Variants in NPAS3 observed in about 807,000 individuals in gnomAD.
The protein encoded by NPAS3 is neuronal PAS domain protein 3.
In NPAS3, 14 loss-of-function variants were observed where a neutral mutation model predicts 73.1. That is an observed-to-expected ratio of 0.19 (90% CI 0.13 to 0.30). The LOEUF is 0.30. NPAS3 is among the 10% of genes least tolerant of loss of function. NPAS3 has a pLI of 1.00. For synonymous variants in NPAS3, 620 were observed against 541.5 expected (o/e 1.14, Z -2.01); for missense variants, 1,096 against 1,250.0 (o/e 0.88, Z 1.86).
chr14:33,661,265 G>A (rs2059299237), intron 5 of NPAS3, among the ~76,000 whole-genome samples: 1 of 152,100 alleles, frequency 6.6e-6, no homozygotes, highest in African/African-American at 2.4e-5. Context: ...GTCTTTGTCT[G>A]GGTTTTATGG....
rs544044317 is a variant in NPAS3, at chr14:33,630,280, C to T, written c.559-45931C>T. Among the ~76,000 whole-genome samples the T allele has an allele frequency of 9.9e-5, 15 of 152,242 alleles. No individual in the cohort carries two copies. The East Asian group carries it at 2.7e-3, about 27-fold the overall frequency. ...TGCACAACTTGTGGAAAAGCTCTGT[C>T]TCCTTGATGATGAGTAAAGGAAGAA... On this transcript the variant is annotated intron_variant, in intron 5 of 11. Transcript: ENST00000356141.
Position 33,699,069 on chromosome 14 carries a change from G to C in NPAS3, c.733+22684G>C, listed in dbSNP as rs146262419. 6.1e-3 allele frequency among the ~76,000 whole-genome samples: 935 copies of C among 152,284 alleles called. 13 individuals carry two copies. Among genetic ancestry groups the C allele is most frequent in the Admixed American group, 6.6e-3 (101 of 15,302 alleles). ...TAGGAAACACAGAGGTGGCCTGTGAGACAGACCCTAGGAAATCTCAGGTGA... is the reference window on the plus strand; with the variant it reads ...TAGGAAACACAGAGGTGGCCTGTGACACAGACCCTAGGAAATCTCAGGTGA... On this transcript the variant is annotated intron_variant, in intron 6 of 11. Transcript: ENST00000356141.
intron 4 of NPAS3, among the ~76,000 whole-genome samples, chr14:33,452,908 C>T (rs1461155364): frequency 1.3e-5 from 2 of 151,978 alleles, no homozygotes; most frequent in Admixed American, 1.3e-4. Context: ...TGTAAGCTCC[C>T]TCTCTTCTTG....
chr14:33,345,175 C>T (rs1401220743), intron 3 of NPAS3, among the ~76,000 whole-genome samples: 2 of 152,156 alleles, frequency 1.3e-5, no homozygotes, highest in African/African-American at 2.4e-5. Context: ...TTACTCTAAA[C>T]GTAAAATACA....
chr14:33,450,611 T>C (rs932874793), intron 4 of NPAS3, among the ~76,000 whole-genome samples: 1 of 152,246 alleles, frequency 6.6e-6, no homozygotes, highest in African/African-American at 2.4e-5. Flanking sequence ...TAAATACTGT[T>C]GTTATTTCGC....
At chr14:33,607,408 A>C (rs1595264542) in intron 5 of NPAS3, among the ~76,000 whole-genome samples, 2 of 73,220 alleles carry the variant, frequency 2.7e-5, no homozygotes, top group Non-Finnish European at 4.6e-5. Flanking sequence ...AAGCCAAACC[A>C]AAAAAAAAAA....
At chr14:33,683,386 C>T (rs2059994902) in intron 6 of NPAS3, among the ~76,000 whole-genome samples, 1 of 131,024 alleles carries the variant, frequency 7.6e-6, no homozygotes, top group Non-Finnish European at 1.5e-5. Context: ...TACAATGAAA[C>T]CCAAGACAAG....
At chr14:33,214,481 T>C (rs1309144992) in intron 2 of NPAS3, 1 of 152,252 alleles carries the variant, frequency 6.6e-6, no homozygotes, top group African/African-American at 2.4e-5. Context: ...CTTTGGGCAA[T>C]ATATTTTATT....
intron 1 of NPAS3, among the ~76,000 whole-genome samples, chr14:32,943,442 A>G (rs939796871): frequency 6.6e-6 from 1 of 152,096 alleles, no homozygotes; most frequent in Non-Finnish European, 1.5e-5. Flanking sequence ...TAGCTATTTT[A>G]TGAGAAGGCC....
At chr14:33,423,754 A>C (rs1219165615) in intron 4 of NPAS3, among the ~76,000 whole-genome samples, 2 of 151,934 alleles carry the variant, frequency 1.3e-5, no homozygotes, top group Non-Finnish European at 2.9e-5. Flanking sequence ...AGGTGTTGTA[A>C]GTGTTCAGAG....
intron 3 of NPAS3, among the ~76,000 whole-genome samples, chr14:33,365,632 T>G (rs890659994): frequency 6.6e-6 from 1 of 152,158 alleles, no homozygotes; most frequent in African/African-American, 2.4e-5. Flanking sequence ...TCAATTATAT[T>G]TTATAAATTT....
intron 3 of NPAS3, among the ~76,000 whole-genome samples, chr14:33,252,079 G>GTGTGTC (rs1340173080): frequency 6.6e-6 from 1 of 151,348 alleles, no homozygotes; most frequent in African/African-American, 2.4e-5. Context: ...GTGTGTGTGT[G>GTGTGTC]TGTGTGTGTG....
intron 4 of NPAS3, among the ~76,000 whole-genome samples, chr14:33,433,719 C>G (rs2048870433): frequency 6.6e-6 from 1 of 152,132 alleles, no homozygotes; most frequent in Non-Finnish European, 1.5e-5. Context: ...TTGTTTTAGG[C>G]AATAGCTCAT....
At chr14:33,051,792 C>T (rs889996246) in intron 1 of NPAS3, among the ~76,000 whole-genome samples, 14 of 152,292 alleles carry the variant, frequency 9.2e-5, no homozygotes, top group African/African-American at 3.4e-4. Flanking sequence ...TGGAGTCTTG[C>T]TCTGTTGCCC....
intron 2 of NPAS3, among the ~76,000 whole-genome samples, chr14:33,089,098 C>T (rs1408312290): frequency 6.6e-6 from 1 of 151,778 alleles, no homozygotes; most frequent in Non-Finnish European, 1.5e-5. Context: ...GTGCCTCTCC[C>T]CCTCCAAAGG....
chr14:33,310,735 G>A (rs1288568875), intron 3 of NPAS3, among the ~76,000 whole-genome samples: 4 of 147,478 alleles, frequency 2.7e-5, no homozygotes, highest in South Asian at 2.2e-4. Flanking sequence ...GAAATAAGAC[G>A]GATGGTGTTG....
intron 4 of NPAS3, among the ~76,000 whole-genome samples, chr14:33,389,259 C>T (rs1017236167): frequency 2.0e-5 from 3 of 152,144 alleles, no homozygotes; most frequent in East Asian, 1.9e-4. Context: ...TTTTCATCAT[C>T]GCGACTGCTT....
chr14:33,716,009 C>T (rs758124576), intron 6 of NPAS3, among the ~76,000 whole-genome samples: 1 of 152,188 alleles, frequency 6.6e-6, no homozygotes, highest in Non-Finnish European at 1.5e-5. Flanking sequence ...GTCCATTAAA[C>T]CTCTTTTTCT....
chr14:33,182,701 G>C (rs943038344), intron 2 of NPAS3, among the ~76,000 whole-genome samples: 1 of 152,064 alleles, frequency 6.6e-6, no homozygotes, highest in Non-Finnish European at 1.5e-5. Context: ...TCCACATGGG[G>C]TTCTGGTTCT....
Sources: allele counts gnomAD v4.1 joint callset (sites outside exome capture counted in the v4.1 genomes callset), GRCh38; gene constraint gnomAD v4.1.1; transcripts MANE v1.5; gene names NCBI Gene and HGNC (gene_info 2026-07-23, HGNC 2026-07-21).